Variants in PTPRN2 observed in about 807,000 individuals in gnomAD.
PTPRN2 encodes receptor-type tyrosine-protein phosphatase N2.
A neutral mutation model predicts 118.8 loss-of-function variants in PTPRN2; 74 were observed. The ratio of observed to expected loss-of-function variants is 0.62; its 90% CI spans 0.52 to 0.76. The LOEUF is 0.76. Ranked by LOEUF, PTPRN2 falls within the 30% of genes least tolerant of loss-of-function variation. The pLI is 0.00. For synonymous variants in PTPRN2, 641 were observed against 608.0 expected, an observed-to-expected ratio of 1.05 and a Z score of -0.80; for missense variants, 1,481 against 1,394.4, an observed-to-expected ratio of 1.06 and a Z score of -0.99.
chr7:158,070,970 G>A (rs1180930535), intron 11 of PTPRN2, among the ~76,000 whole-genome samples: 5 of 115,910 alleles, frequency 4.3e-5, no homozygotes, highest in East Asian at 4.8e-4. Flanking sequence ...AGGTGCTCAC[G>A]GTGGAGGTGC....
chr7:158,270,771 T>TCCACCTGGACCACCCCC (rs1798287210), intron 3 of PTPRN2, among the ~76,000 whole-genome samples: 2 of 100,862 alleles, frequency 2.0e-5, no homozygotes, highest in Non-Finnish European at 4.0e-5. Flanking sequence ...GACCACCCCG[T>TCCACCTGGACCACCCCC]CCACCTGGAC....
chr7:158,046,440 C>T (rs1808882794), intron 11 of PTPRN2, among the ~76,000 whole-genome samples: 1 of 151,558 alleles, frequency 6.6e-6, no homozygotes, highest in African/African-American at 2.4e-5. Flanking sequence ...TCCTGGCATC[C>T]TGACGCTGCG....
At chr7:157,905,520 G>A (rs1048006073) in intron 11 of PTPRN2, among the ~76,000 whole-genome samples, 6 of 152,168 alleles carry the variant, frequency 3.9e-5, no homozygotes, top group Admixed American at 3.9e-4. Flanking sequence ...TGAAGGATAT[G>A]CAAATTACCT....
intron 1 of PTPRN2, among the ~76,000 whole-genome samples, chr7:158,586,229 A>G (rs1828916285): frequency 6.6e-6 from 1 of 152,224 alleles, no homozygotes; most frequent in African/African-American, 2.4e-5. Flanking sequence ...ACCTCAAGGC[A>G]AGGGAGGAAT....
At chr7:158,130,004 G>C (rs964785261) in intron 9 of PTPRN2, among the ~76,000 whole-genome samples, 21 of 152,326 alleles carry the variant, frequency 1.4e-4, no homozygotes, top group African/African-American at 4.1e-4. Context: ...TCAAGTTTCT[G>C]CTGCTTACAA....
intron 12 of PTPRN2, among the ~76,000 whole-genome samples, chr7:157,792,508 C>T (rs370370814): frequency 5.3e-5 from 8 of 152,300 alleles, no homozygotes; most frequent in African/African-American, 9.6e-5. Flanking sequence ...GGTGTGTTTT[C>T]GGGGGTGGGG....
chr7:157,774,747 T>A (rs1165208338), intron 12 of PTPRN2, among the ~76,000 whole-genome samples: 2 of 150,732 alleles, frequency 1.3e-5, no homozygotes, highest in Non-Finnish European at 3.0e-5. Context: ...ACAGGGGAGG[T>A]CTTCGAGTCA....
chr7:157,768,318 C>T (rs180942714), intron 12 of PTPRN2, among the ~76,000 whole-genome samples: 205 of 152,320 alleles, frequency 1.3e-3, no homozygotes, highest in Non-Finnish European at 2.0e-3. Flanking sequence ...AGCTCATCTG[C>T]GTTCGGCTGT....
chr7:158,396,042 C>G (rs1812466738), intron 2 of PTPRN2, among the ~76,000 whole-genome samples: 1 of 152,114 alleles, frequency 6.6e-6, no homozygotes, highest in East Asian at 1.9e-4. Context: ...CACAGCTTCT[C>G]AACAGCCACA....
At chr7:157,621,068 ACC>A (rs1483255088) in intron 15 of PTPRN2, among the ~76,000 whole-genome samples, 3 of 146,256 alleles carry the variant, frequency 2.1e-5, no homozygotes, top group Admixed American at 1.4e-4. Flanking sequence ...CCCTCCTGTC[ACC>A]CTGGCCACCT....
intron 1 of PTPRN2, among the ~76,000 whole-genome samples, chr7:158,519,724 A>G (rs1207541253): frequency 6.6e-6 from 1 of 151,996 alleles, no homozygotes; most frequent in African/African-American, 2.4e-5. Flanking sequence ...GCTGTTTCCC[A>G]TCATATAAGG....
chr7:158,139,077 G>A (rs762059007), intron 6 of PTPRN2, among the ~76,000 whole-genome samples: 8 of 152,088 alleles, frequency 5.3e-5, no homozygotes, highest in African/African-American at 1.2e-4. Flanking sequence ...AACTGCTGCC[G>A]GAAAAGCCCC....
At chr7:158,319,601 AGC>A (rs1159768729) in intron 2 of PTPRN2, among the ~76,000 whole-genome samples, 6 of 50,838 alleles carry the variant, frequency 1.2e-4, no homozygotes, top group Non-Finnish European at 2.0e-4. Flanking sequence ...ACACGCACAC[AGC>A]CTCCCTTGTA....
At chr7:157,880,999 C>A (rs1205744545) in intron 12 of PTPRN2, among the ~76,000 whole-genome samples, 2 of 152,212 alleles carry the variant, frequency 1.3e-5, no homozygotes, top group African/African-American at 4.8e-5. Context: ...CTATGGGAAG[C>A]TCTAATCCCA....
In PTPRN2 at chr7:158,239,018, G is replaced by A. The variant is rs140654589; in HGVS notation, c.278-33745C>T. Reference sequence around the variant, plus strand: ...GGCCTCAGAGGCTCTCGTGAGGGCCGTGGAGGGGAGCGGAAAGCCAGGCAG... The same window carrying A: ...GGCCTCAGAGGCTCTCGTGAGGGCCATGGAGGGGAGCGGAAAGCCAGGCAG... On this transcript the variant is annotated intron_variant, in intron 3 of 22. Coordinates refer to ENST00000389418, the MANE Select transcript of PTPRN2 (RefSeq NM_002847.5). Among the ~76,000 whole-genome samples the A allele has an allele frequency of 7.9e-4, 121 of 152,312 alleles. 1 individual carries two copies. The East Asian group carries it at 0.014, about 18-fold the overall frequency.
intron 11 of PTPRN2, among the ~76,000 whole-genome samples, chr7:158,071,714 G>C (rs1255064433): frequency 1.6e-5 from 2 of 121,986 alleles, no homozygotes; most frequent in Admixed American, 8.1e-5. Flanking sequence ...AGGTGCTCCT[G>C]GTGGTGGAGG....
intron 10 of PTPRN2, among the ~76,000 whole-genome samples, chr7:158,099,006 CCAACACA>C (rs1563432582): frequency 2.3e-4 from 7 of 30,658 alleles, no homozygotes; most frequent in African/African-American, 3.4e-4. Context: ...CCTTCCTCCC[CCAACACA>C]TCCCGGCTGC....
intron 20 of PTPRN2, among the ~76,000 whole-genome samples, chr7:157,570,218 G>A (rs1799689706): frequency 6.6e-6 from 1 of 152,256 alleles, no homozygotes; most frequent in Non-Finnish European, 1.5e-5. Flanking sequence ...TCTGGTTGCT[G>A]AGTGCCTTTC....
intron 12 of PTPRN2, among the ~76,000 whole-genome samples, chr7:157,897,549 G>T (rs987598652): frequency 2.0e-5 from 3 of 152,190 alleles, no homozygotes; most frequent in Non-Finnish European, 4.4e-5. Flanking sequence ...TGTCCGGGAC[G>T]TGCACGCCAG....
Sources: gnomAD v4.1 joint callset for allele counts (sites outside exome capture counted in the v4.1 genomes callset) on GRCh38, gnomAD v4.1.1 for gene constraint, MANE v1.5 for transcripts, NCBI Gene and HGNC (gene_info 2026-07-23, HGNC 2026-07-21) for gene names.